DMD: variants seen among roughly 807,000 people sequenced by gnomAD.
The protein encoded by DMD is dystrophin.
Under a neutral mutation model 330.1 loss-of-function variants are expected in DMD, and 63 were observed. The observed-to-expected ratio is 0.19, with a 90% CI of 0.16 to 0.24. The LOEUF is 0.24. Among genes scored for constraint, DMD ranks in the 10% least tolerant of loss-of-function variants. DMD has a pLI of 1.00. For missense variants in DMD, 3,344 were observed against 2,684.1 expected, an observed-to-expected ratio of 1.25 and a Z score of -5.43; for synonymous variants, 1,223 against 959.8, an observed-to-expected ratio of 1.27 and a Z score of -5.07.
chrX:32,524,560 G>C (rs760372629), intron 17 of DMD, among the ~76,000 whole-genome samples: 2 of 112,298 alleles, frequency 1.8e-5, no homozygotes. Context: ...GATTAAATCA[G>C]CTTCTAGCCT....
In DMD at chrX:31,820,002, C is replaced by T. The variant is rs1175419769; in HGVS notation, c.7282G>A (p.Ala2428Thr). The T allele has an allele frequency of 8.3e-6, 10 of 1,211,342 alleles. No homozygotes were observed. The highest frequency in any genetic ancestry group is 1.1e-5 in the Non-Finnish European group (10 of 895,004). ...GCTCCAATAGTGGTCAGTCCAGGAG[C>T]TAGGTCAGGCTGCTTTGCCCTCAGC... is the stretch of plus-strand genomic sequence containing the variant. ...QELRAKQPDLAPGLTTIGASP... is the reference protein window; with the variant it reads ...QELRAKQPDLTPGLTTIGASP... The change falls in exon 50 of 79, where the codon GCT (alanine) becomes ACT (threonine). Residue 2428 changes from alanine (A) to threonine (T), a missense_variant. Coordinates refer to ENST00000357033, the MANE Select transcript of DMD (RefSeq NM_004006.3).
intron 29 of DMD, among the ~76,000 whole-genome samples, chrX:32,422,180 C>G (rs1448086719): frequency 9.0e-6 from 1 of 111,294 alleles, no homozygotes; most frequent in Non-Finnish European, 1.9e-5. Context: ...TGGGAATGAA[C>G]CTGACACATA....
At chrX:33,056,872 A>G (rs892858166) in intron 1 of DMD, among the ~76,000 whole-genome samples, 1 of 111,210 alleles carries the variant, frequency 9.0e-6, no homozygotes, top group Admixed American at 9.7e-5. Flanking sequence ...GTGACAGACA[A>G]CAAGATTGCC....
chrX:31,701,681 C>T (rs1330006218), intron 52 of DMD, among the ~76,000 whole-genome samples: 1 of 112,104 alleles, frequency 8.9e-6, no homozygotes, highest in Non-Finnish European at 1.9e-5. Context: ...ACCCCACCTG[C>T]GTCCCCTGAT....
intron 16 of DMD, among the ~76,000 whole-genome samples, chrX:32,563,959 C>T (rs772498681): frequency 1.8e-5 from 2 of 111,449 alleles, no homozygotes; most frequent in African/African-American, 3.3e-5. Flanking sequence ...TTTCATCACC[C>T]AGGTATTAAG....
At chrX:32,481,870 C>T (rs5927077) in intron 21 of DMD, among the ~76,000 whole-genome samples, 27,522 of 111,186 alleles carry the variant, frequency 0.25, 3,109 homozygotes, top group Admixed American at 0.44. Flanking sequence ...AGCACTTTTA[C>T]GGCATATACC....
chrX:32,365,475 T>C (rs944337506), intron 34 of DMD, among the ~76,000 whole-genome samples: 1 of 111,095 alleles, frequency 9.0e-6, no homozygotes, highest in Non-Finnish European at 1.9e-5. Context: ...TTTATATTTA[T>C]TTAATTTATA....
At chrX:31,182,952 AAG>A in intron 67 of DMD, 48 bp from the exon 68 acceptor site, 4 of 1,077,138 alleles carry the variant, frequency 3.7e-6, no homozygotes, top group Non-Finnish European at 5.1e-6. Context: ...GATGAAAGGA[AAG>A]AAGGCAAGAT....
intron 55 of DMD, among the ~76,000 whole-genome samples, chrX:31,606,218 C>A (rs989577074): frequency 1.3e-4 from 14 of 111,735 alleles, no homozygotes; most frequent in Non-Finnish European, 1.7e-4. Context: ...TGAGGCCTAC[C>A]CAGCCATGTG....
intron 25 of DMD, among the ~76,000 whole-genome samples, chrX:32,459,149 T>G (rs6653584): frequency 0.1 from 11,259 of 110,618 alleles, 532 homozygotes; most frequent in African/African-American, 0.17. Flanking sequence ...AGGATAGATC[T>G]TAGGAGCTCT....
chrX:32,787,975 C>A (rs1386014394), intron 7 of DMD, among the ~76,000 whole-genome samples: 1 of 111,573 alleles, frequency 9.0e-6, no homozygotes, highest in Non-Finnish European at 1.9e-5. Flanking sequence ...ACAGGTTTTA[C>A]TTACTCCTTG....
At chrX:32,886,280 A>G (rs72626055) in intron 2 of DMD, among the ~76,000 whole-genome samples, 7,127 of 110,039 alleles carry the variant, frequency 0.065, 264 homozygotes, top group Middle Eastern at 0.14. Context: ...TTATGTGACA[A>G]TTTAGGTGTC....
intron 21 of DMD, among the ~76,000 whole-genome samples, chrX:32,477,065 C>T (rs1213158407): frequency 1.8e-5 from 2 of 111,070 alleles, no homozygotes; most frequent in Non-Finnish European, 3.8e-5. Context: ...CAATATATTG[C>T]TTATAAATAT....
At chrX:32,369,210 A>T (rs986354638) in intron 34 of DMD, among the ~76,000 whole-genome samples, 2 of 111,729 alleles carry the variant, frequency 1.8e-5, no homozygotes, top group Admixed American at 1.9e-4. Flanking sequence ...AACTTCCATG[A>T]TTTCAAACAA....
At chrX:31,586,951 A>G (rs2076638705) in intron 55 of DMD, among the ~76,000 whole-genome samples, 1 of 112,037 alleles carries the variant, frequency 8.9e-6, no homozygotes. Flanking sequence ...ATGGGTATCT[A>G]CTTTTTTTAT....
chrX:31,451,057 G>C (rs1217582798), intron 59 of DMD, among the ~76,000 whole-genome samples: 3 of 108,735 alleles, frequency 2.8e-5, no homozygotes, highest in African/African-American at 1.0e-4. Context: ...TTTCCCAATA[G>C]CCTTTACCCT....
At chrX:32,244,156 C>T (rs1485640935) in intron 43 of DMD, among the ~76,000 whole-genome samples, 2 of 91,189 alleles carry the variant, frequency 2.2e-5, no homozygotes, top group South Asian at 6.3e-4. Flanking sequence ...CTTCCTGTGT[C>T]CATGTGATCT....
chrX:32,540,364 A>G (rs1227705553), intron 17 of DMD, among the ~76,000 whole-genome samples: 5 of 112,026 alleles, frequency 4.5e-5, no homozygotes, highest in Non-Finnish European at 9.4e-5. Context: ...CTGTATAATT[A>G]TTTAGGAATC....
intron 30 of DMD, among the ~76,000 whole-genome samples, chrX:32,397,875 G>A (rs2098056643): frequency 9.0e-6 from 1 of 111,023 alleles, no homozygotes; most frequent in Non-Finnish European, 1.9e-5. Flanking sequence ...ATAATTATTG[G>A]AGTTTCTGTG....
Sources: allele counts gnomAD v4.1 joint callset (sites outside exome capture counted in the v4.1 genomes callset), GRCh38; gene constraint gnomAD v4.1.1; transcripts MANE v1.5; gene names NCBI Gene and HGNC (gene_info 2026-07-23, HGNC 2026-07-21).